PIANP: variants seen among roughly 807,000 people sequenced by gnomAD.
PIANP encodes the protein PILR alpha associated neural protein.
In PIANP, 14 loss-of-function variants were observed where a neutral mutation model predicts 28.9. The observed-to-expected ratio is 0.49, with a 90% confidence interval of 0.32 to 0.76. PIANP has a LOEUF of 0.76. PIANP is among the 30% of genes least tolerant of loss of function. The pLI, the probability that PIANP is intolerant of heterozygous loss-of-function variation, is 0.03. For synonymous variants in PIANP, 149 were observed against 156.6 expected (o/e 0.95, Z 0.36); for missense variants, 322 against 371.8 (o/e 0.87, Z 1.10).
At chr12:6,698,760 G>A (rs1959957360) in intron 1 of PIANP, among the ~76,000 whole-genome samples, 1 of 152,220 alleles carries the variant, frequency 6.6e-6, no homozygotes, top group African/African-American at 2.4e-5. Context: ...TCTGAAGGGA[G>A]GTGGAGTCAG....
At chr12:6,693,137 T>C (rs934585681), downstream of PIANP, among the ~76,000 whole-genome samples, 6 of 151,942 alleles carry the variant, frequency 3.9e-5, no homozygotes, top group African/African-American at 1.2e-4. Flanking sequence ...AACCTAGAAA[T>C]TGGGGACTGA....
At position 6,694,846 on chromosome 12, in the gene PIANP, G is replaced by A; in HGVS notation, c.*580C>T. ...GGACCCGAAGTCACAGATATGTGAG[G>A]CCCCCACCTGCAGGAGGGCGAGCAG... On this transcript the variant is annotated 3_prime_UTR_variant, in exon 5 of 5. Coordinates refer to ENST00000534837, the MANE Select transcript of PIANP (RefSeq NM_001244014.2). The surrounding 1 kb of genome is among the most constrained non-coding windows in gnomAD (Gnocchi z 6.1). The A allele has an allele frequency of 3.1e-6, 2 of 637,556 alleles. 1 individual carries two copies. The highest frequency in any genetic ancestry group is 5.7e-5 in the South Asian group (2 of 35,394). 39.5% of individuals were successfully genotyped at this position (637,556 alleles called of 1,614,324 possible).
chr12:6,698,540 G>T (rs1385604247), intron 1 of PIANP: 1 of 172,728 alleles, frequency 5.8e-6, no homozygotes, highest in Admixed American at 5.8e-5. Flanking sequence ...GTGCAGGGGG[G>T]CCCTTCCAGC....
In PIANP at chr12:6,697,005, C is replaced by T. The variant is rs1959885128; in HGVS notation, c.523+282G>A. Among the ~76,000 whole-genome samples, 1 of 152,196 alleles carries T rather than the reference C, an allele frequency of 6.6e-6. No individual in the cohort carries two copies. The highest frequency in any genetic ancestry group is 6.5e-5 in the Admixed American group (1 of 15,276). ...GTCAGTTCTCTGAAGGTGTCCTGAT[C>T]CCCAAGCAGGAGGAGACTCTCACTT... is the stretch of plus-strand genomic sequence containing the variant. On this transcript the variant is annotated intron_variant, in intron 3 of 4. Transcript: ENST00000534837. This position sits in a 1 kb window ranked among gnomAD's most constrained non-coding sequence, Gnocchi z 6.9.
At position 6,697,519 on chromosome 12, in the gene PIANP, C is replaced by T. The variant is rs1450096552; in HGVS notation, c.291G>A (p.Pro97=). The T allele has an allele frequency of 1.8e-5, 29 of 1,612,132 alleles. No homozygotes were observed. Among genetic ancestry groups the T allele is most frequent in the Non-Finnish European group, 2.1e-5 (25 of 1,179,184 alleles). The change falls in exon 3 of 5, where the codon CCG becomes CCA. Residue 97 remains proline, a synonymous_variant. Coordinates refer to ENST00000534837, the MANE Select transcript of PIANP (RefSeq NM_001244014.2). The surrounding 1 kb of genome is among the most constrained non-coding windows in gnomAD (Gnocchi z 6.9). Reference sequence around the variant, plus strand: ...TAGCCCAGGGGTATTGGGATGAGGGCGGCCCCTCCTCAAAGCCTGATGGGG... The same window carrying T: ...TAGCCCAGGGGTATTGGGATGAGGGTGGCCCCTCCTCAAAGCCTGATGGGG... ...PATPSGFEEG[P]PSSQYPWAIV... is the part of the protein sequence containing the mutation.
In PIANP at chr12:6,695,135, G is replaced by A; in HGVS notation, c.*291C>T. On this transcript the variant is annotated 3_prime_UTR_variant, in exon 5 of 5. Coordinates refer to ENST00000534837, the MANE Select transcript of PIANP (RefSeq NM_001244014.2). The surrounding 1 kb of genome is among the most constrained non-coding windows in gnomAD (Gnocchi z 4.2). ...AGAAGGGGAAGTTCAAGACAAAGAG[G>A]GGGAATCAAGGTTAAGAGGGCAGAG... 1.3e-6 allele frequency: 2 copies of A among 1,519,194 alleles called. No homozygotes were observed. The highest frequency in any genetic ancestry group is 1.8e-6 in the Non-Finnish European group (2 of 1,131,506). 94.1% of individuals were successfully genotyped at this position (1,519,194 alleles called of 1,614,324 possible).
At position 6,697,592 on chromosome 12, in the gene PIANP, A is replaced by G. The variant is rs1415698671; in HGVS notation, c.218T>C (p.Val73Ala). Reference protein sequence around the residue: ...RAPPPSRSPRVPRSRRQVLPG... With the variant: ...RAPPPSRSPRAPRSRRQVLPG... ...CAGGACTTGCCGACGTGATCTTGGG[A>G]CCCGAGGAGATCGGCTTGGTGGAGG... Residue 73 changes from valine to alanine, a missense_variant, in exon 3 of 5, where the codon GTC becomes GCC. By Grantham distance (64) the Val-to-Ala change is moderately conservative. Coordinates refer to ENST00000534837, the MANE Select transcript of PIANP (RefSeq NM_001244014.2). This position sits in a 1 kb window ranked among gnomAD's most constrained non-coding sequence, Gnocchi z 6.9. 1.9e-6 allele frequency: 3 copies of G among 1,582,808 alleles called. No individual in the cohort carries two copies. Among genetic ancestry groups the G allele is most frequent in the South Asian group, 1.1e-5 (1 of 87,314 alleles).
Position 6,695,100 on chromosome 12 carries a change from A to T in PIANP, c.*326T>A. The stretch of plus-strand genomic sequence containing the variant: ...AGGGCACAGTCAGGAACCAAGGGGT[A>T]GGCCAGAATAGAAGGGGAAGTTCAA... On this transcript the variant is annotated 3_prime_UTR_variant, in exon 5 of 5. Coordinates refer to ENST00000534837, the MANE Select transcript of PIANP (RefSeq NM_001244014.2). This position sits in a 1 kb window ranked among gnomAD's most constrained non-coding sequence, Gnocchi z 4.2. The T allele has an allele frequency of 6.4e-7, 1 of 1,557,758 alleles. No individual in the cohort carries two copies.
chr12:6,697,707 A>C lies in PIANP; in HGVS notation c.103T>G (p.Ser35Ala). The C allele has an allele frequency of 2.6e-6, 4 of 1,556,712 alleles. No individual in the cohort carries two copies. The highest frequency in any genetic ancestry group is 3.5e-6 in the Non-Finnish European group (4 of 1,152,140). ...GCTGGGGCTGGTGGGGTTCGAGGGGAGGATGAAGAGCCCTGAGCAGGCGGT... is the reference window on the plus strand; with the variant it reads ...GCTGGGGCTGGTGGGGTTCGAGGGGCGGATGAAGAGCCCTGAGCAGGCGGT... ...LPPPAQGSSS[S>A]PRTPPAPARP... is the part of the protein sequence containing the mutation. The change falls in exon 3 of 5, where the codon TCC (serine) becomes GCC (alanine). Residue 35 changes from serine (S) to alanine (A), a missense_variant. Ser to Ala is a moderately conservative substitution (Grantham distance 99, BLOSUM62 1). Transcript: ENST00000534837. This position sits in a 1 kb window ranked among gnomAD's most constrained non-coding sequence, Gnocchi z 6.9.
chr12:6,695,150 A>G lies in PIANP; in HGVS notation c.*276T>C. On this transcript the variant is annotated 3_prime_UTR_variant, in exon 5 of 5. Coordinates refer to ENST00000534837, the MANE Select transcript of PIANP (RefSeq NM_001244014.2). The surrounding 1 kb of genome is among the most constrained non-coding windows in gnomAD (Gnocchi z 4.2). ...AGACAAAGAGGGGGAATCAAGGTTA[A>G]GAGGGCAGAGTTGTCTTAGACAAGG... The G allele has an allele frequency of 6.6e-7, 1 of 1,508,568 alleles. No individual in the cohort carries two copies. Among genetic ancestry groups the G allele is most frequent in the East Asian group, 2.5e-5 (1 of 40,720 alleles). The allele number at this position is 1,508,568 out of a possible 1,614,324, so 93.4% of individuals were successfully genotyped here. A position where few individuals can be genotyped will look rare whatever the true frequency, so the allele number is the denominator to read the frequency against.
intron 1 of PIANP, among the ~76,000 whole-genome samples, chr12:6,698,908 A>C (rs1271530065): frequency 1.3e-5 from 2 of 152,090 alleles, no homozygotes; most frequent in Admixed American, 1.3e-4. Context: ...CCCCAGAGGG[A>C]GTGAAGATAG....
At position 6,696,492 on chromosome 12, in the gene PIANP, T is replaced by C; in HGVS notation, c.556A>G (p.Ile186Val). 1 of 1,602,878 alleles carries C rather than the reference T, an allele frequency of 6.2e-7. No homozygotes were observed. The highest frequency in any genetic ancestry group is 1.3e-5 in the African/African-American group (1 of 74,692). ...VDPQLYVTIT[I>V]SIIIVLVATG... ...GCCACGAGAACAATGATGATGGAGA[T>C]GGTAATTGTGACATAGAGCTGGGGG... The change falls in exon 4 of 5, where the codon ATC (isoleucine) becomes GTC (valine). Residue 186 changes from isoleucine (I) to valine (V), a missense_variant. Coordinates refer to ENST00000534837, the MANE Select transcript of PIANP (RefSeq NM_001244014.2). The surrounding 1 kb of genome is among the most constrained non-coding windows in gnomAD (Gnocchi z 4.0).
chr12:6,699,697 G>A (rs1176981400), intron 1 of PIANP, among the ~76,000 whole-genome samples: 2 of 151,862 alleles, frequency 1.3e-5, no homozygotes, highest in Non-Finnish European at 2.9e-5. Flanking sequence ...AGCCCAGGAT[G>A]GGGAGAAAGG....
rs540080391 is a variant in PIANP, at chr12:6,695,235, A to G, written c.*191T>C. ...AGTTATGGGCAGCAGAGAATAGGAC[A>G]CAGATCCTGAGAGACTGGGAGAAGG... On this transcript the variant is annotated 3_prime_UTR_variant, in exon 5 of 5. Transcript: ENST00000534837. This position sits in a 1 kb window ranked among gnomAD's most constrained non-coding sequence, Gnocchi z 4.2. 5.6e-4 allele frequency: 803 copies of G among 1,422,790 alleles called. No homozygotes were observed. The highest frequency in any genetic ancestry group is 1.1e-3 in the Admixed American group (40 of 35,024). The allele number at this position is 1,422,790 out of a possible 1,614,324, so 88.1% of individuals were successfully genotyped here. A position where few individuals can be genotyped will look rare whatever the true frequency, so the allele number is the denominator to read the frequency against.
rs73049713 is a variant in PIANP at position 6,693,932 on chromosome 12, G to A, written c.*1494C>T. 1.3e-5 allele frequency: 2 copies of A among 153,278 alleles called. No homozygotes were observed. Among genetic ancestry groups the A allele is most frequent in the Admixed American group, 6.5e-5 (1 of 15,280 alleles). 9.5% of individuals were successfully genotyped at this position (153,278 alleles called of 1,614,324 possible). ...CAGGGAAGAAGGGAAGGAGGAAGGT[G>A]GAAAAACCAGTGAGAAGGAGGGAAG... On this transcript the variant is annotated 3_prime_UTR_variant, in exon 5 of 5. Coordinates refer to ENST00000534837, the MANE Select transcript of PIANP (RefSeq NM_001244014.2).
Position 6,696,952 on chromosome 12 carries a change from C to T in PIANP, c.523+335G>A, listed in dbSNP as rs191907061. On this transcript the variant is annotated intron_variant, in intron 3 of 4. Coordinates refer to ENST00000534837, the MANE Select transcript of PIANP (RefSeq NM_001244014.2). The surrounding 1 kb of genome is among the most constrained non-coding windows in gnomAD (Gnocchi z 4.0). Reference sequence around the variant, plus strand: ...TGGCATTCTCTGCCCAGAATACTCCCACTCTCTTTTCAAGGGCCAGCTCAA... The same window carrying T: ...TGGCATTCTCTGCCCAGAATACTCCTACTCTCTTTTCAAGGGCCAGCTCAA... 4.0e-4 allele frequency among the ~76,000 whole-genome samples: 61 copies of T among 152,274 alleles called. 1 individual carries two copies. In the Middle Eastern group the frequency reaches 0.01, roughly 25 times the overall value.
downstream of PIANP, among the ~76,000 whole-genome samples, chr12:6,693,253 G>A (rs1244600184): frequency 2.0e-5 from 3 of 152,062 alleles, no homozygotes; most frequent in South Asian, 2.1e-4. Context: ...GCAGAGTAGG[G>A]AAAGCTAACG....
In PIANP at chr12:6,693,989, AAAGGAAGGAGAGTGG is replaced by A. The variant is rs1451484024; in HGVS notation, c.*1422_*1436del. 2 of 153,588 alleles carry A rather than the reference AAAGGAAGGAGAGTGG, an allele frequency of 1.3e-5. No individual in the cohort carries two copies. The highest frequency in any genetic ancestry group is 2.1e-4 in the South Asian group (1 of 4,830). 9.5% of individuals were successfully genotyped at this position (153,588 alleles called of 1,614,324 possible). A position where few individuals can be genotyped will look rare whatever the true frequency, so the allele number is the denominator to read the frequency against. ...AGGAGGGGGAAAGGGCAGGGAAGCA[AAAGGAAGGAGAGTGG>A]AAGGAAGGAGGGAGGAAAGGAGGGG... On this transcript the variant is annotated 3_prime_UTR_variant, in exon 5 of 5. Transcript: ENST00000534837.
At position 6,696,064 on chromosome 12, in the gene PIANP, T is replaced by C. The variant is rs1242526411; in HGVS notation, c.605+379A>G. Among the ~76,000 whole-genome samples the C allele has an allele frequency of 1.3e-5, 2 of 152,082 alleles. No individual in the cohort carries two copies. The highest frequency in any genetic ancestry group is 2.9e-5 in the Non-Finnish European group (2 of 68,012). ...TCTCAGTAAAGTGTGAAGGACTGAG[T>C]GATCCATTATTAAATGTGTGCAAAG... On this transcript the variant is annotated intron_variant, in intron 4 of 4. Transcript: ENST00000534837. The surrounding 1 kb of genome is among the most constrained non-coding windows in gnomAD (Gnocchi z 4.0).
Sources: gnomAD v4.1 joint callset for allele counts (sites outside exome capture counted in the v4.1 genomes callset) on GRCh38, gnomAD v4.1.1 for gene constraint, Gnocchi (gnomAD v3.1) non-coding constraint, MANE v1.5 for transcripts, NCBI Gene and HGNC (gene_info 2026-07-23, HGNC 2026-07-21) for gene names.